Variants in SLC35F1 observed in about 807,000 individuals in gnomAD.
The protein encoded by SLC35F1 is chromosome 6 open reading frame 169.
In SLC35F1, 14 loss-of-function variants were observed where a neutral mutation model predicts 48.7. That is an observed-to-expected ratio of 0.29 (90% CI 0.19 to 0.45). SLC35F1 has a LOEUF of 0.45. SLC35F1 is among the 20% of genes least tolerant of loss of function. The pLI is 1.00. For synonymous variants in SLC35F1, 190 were observed against 202.2 expected (o/e 0.94, Z 0.51); for missense variants, 404 against 500.0 (o/e 0.81, Z 1.83).
intron 1 of SLC35F1, among the ~76,000 whole-genome samples, chr6:118,066,989 T>C (rs1417671552): frequency 6.6e-6 from 1 of 152,152 alleles, no homozygotes; most frequent in Non-Finnish European, 1.5e-5. Flanking sequence ...ATAGGTGATT[T>C]TGGTCCACTG....
At chr6:118,150,257 T>C (rs1412946185) in intron 1 of SLC35F1, among the ~76,000 whole-genome samples, 2 of 152,196 alleles carry the variant, frequency 1.3e-5, no homozygotes, top group African/African-American at 2.4e-5. Context: ...TTATTATTGT[T>C]GTTTTAGCTT....
intron 1 of SLC35F1, among the ~76,000 whole-genome samples, chr6:118,151,382 C>T (rs902819736): frequency 2.0e-5 from 3 of 152,166 alleles, no homozygotes; most frequent in African/African-American, 7.2e-5. Flanking sequence ...ACTAATGCTG[C>T]TGGATCATTT....
chr6:118,194,957 G>A (rs1774781662), intron 2 of SLC35F1, among the ~76,000 whole-genome samples: 1 of 152,046 alleles, frequency 6.6e-6, no homozygotes, highest in Admixed American at 6.6e-5. Context: ...GTAAGATGCT[G>A]TCCAAGGAGT....
chr6:118,181,749 G>GA (rs1466809780), intron 2 of SLC35F1, among the ~76,000 whole-genome samples: 2 of 151,752 alleles, frequency 1.3e-5, no homozygotes, highest in Non-Finnish European at 2.9e-5. Flanking sequence ...ATACAATAAG[G>GA]AAAAAAATAA....
At chr6:118,067,091 A>T (rs1772627096) in intron 1 of SLC35F1, among the ~76,000 whole-genome samples, 1 of 152,196 alleles carries the variant, frequency 6.6e-6, no homozygotes, top group African/African-American at 2.4e-5. Flanking sequence ...AACATATTTT[A>T]AAAATAGAAT....
intron 1 of SLC35F1, among the ~76,000 whole-genome samples, chr6:118,079,384 A>G (rs572967809): frequency 1.3e-4 from 20 of 152,194 alleles, no homozygotes; most frequent in South Asian, 4.1e-4. Flanking sequence ...ATTATATTGT[A>G]TGTATTTTAT....
At chr6:117,966,253 G>A (rs1338921151) in intron 1 of SLC35F1, among the ~76,000 whole-genome samples, 2 of 150,140 alleles carry the variant, frequency 1.3e-5, no homozygotes, top group African/African-American at 4.9e-5. Flanking sequence ...CTCACTCTTT[G>A]GGTCCACACT....
At chr6:118,081,881 C>T (rs549930256) in intron 1 of SLC35F1, among the ~76,000 whole-genome samples, 76 of 152,168 alleles carry the variant, frequency 5.0e-4, no homozygotes, top group African/African-American at 1.8e-3. Flanking sequence ...GTGACTTGGC[C>T]CATGATTTAC....
intron 1 of SLC35F1, among the ~76,000 whole-genome samples, chr6:117,969,054 A>C (rs1224637270): frequency 1.3e-5 from 2 of 152,184 alleles, no homozygotes; most frequent in Non-Finnish European, 2.9e-5. Context: ...GTTATTTCAT[A>C]ATTTCAGTAC....
intron 4 of SLC35F1, among the ~76,000 whole-genome samples, chr6:118,274,206 A>T (rs146495477): frequency 1.6e-4 from 24 of 152,146 alleles, no homozygotes; most frequent in Non-Finnish European, 2.9e-4. Context: ...TGCACTGCTG[A>T]CTTATGCAGG....
At chr6:117,977,105 T>G (rs1179645075) in intron 1 of SLC35F1, among the ~76,000 whole-genome samples, 1 of 152,216 alleles carries the variant, frequency 6.6e-6, no homozygotes, top group Non-Finnish European at 1.5e-5. Context: ...TTTGTAAGTC[T>G]TTGATGATAC....
chr6:118,225,468 C>T (rs1387218688), intron 2 of SLC35F1, among the ~76,000 whole-genome samples: 1 of 152,148 alleles, frequency 6.6e-6, no homozygotes, highest in African/African-American at 2.4e-5. Context: ...ACCCCTAGCT[C>T]TCAACATATA....
rs953392396 is a variant in SLC35F1 at position 118,228,811 on chromosome 6, C to A, written c.350-6698C>A. On this transcript the variant is annotated intron_variant, in intron 2 of 7. Coordinates refer to ENST00000360388, the MANE Select transcript of SLC35F1 (RefSeq NM_001029858.4). ...GTGTTTATTCAAGTAAGGATCTTGC[C>A]CCCTGTGCAGGAGCATCACTCTTGC... Among the ~76,000 whole-genome samples the A allele has an allele frequency of 5.9e-5, 9 of 152,128 alleles. 1 individual carries two copies. In the South Asian group the frequency reaches 1.2e-3, roughly 21 times the overall value.
At chr6:117,948,254 T>A (rs559545374) in intron 1 of SLC35F1, among the ~76,000 whole-genome samples, 11 of 152,300 alleles carry the variant, frequency 7.2e-5, no homozygotes, top group Admixed American at 3.3e-4. Context: ...TCATTTTTTT[T>A]ACAGTACTTA....
At chr6:118,039,796 A>AT (rs1312799873) in intron 1 of SLC35F1, among the ~76,000 whole-genome samples, 1,240 of 55,618 alleles carry the variant, frequency 0.022, 37 homozygotes, top group African/African-American at 0.055. Flanking sequence ...GCATCTCAGG[A>AT]TTGTTTTTTT....
intron 2 of SLC35F1, among the ~76,000 whole-genome samples, chr6:118,208,220 G>A (rs1233899756): frequency 6.6e-6 from 1 of 152,212 alleles, no homozygotes; most frequent in Non-Finnish European, 1.5e-5. Context: ...AGGGGCTGGA[G>A]CACCAGGATA....
At chr6:118,080,950 C>A (rs749187362) in intron 1 of SLC35F1, among the ~76,000 whole-genome samples, 1 of 152,172 alleles carries the variant, frequency 6.6e-6, no homozygotes, top group African/African-American at 2.4e-5. Flanking sequence ...CCCTCTCACC[C>A]CTTTATTGTG....
intron 6 of SLC35F1, among the ~76,000 whole-genome samples, chr6:118,284,744 C>T (rs1238521079): frequency 6.6e-6 from 1 of 152,130 alleles, no homozygotes; most frequent in South Asian, 2.1e-4. Context: ...ACTTTAAAGA[C>T]TACGTAGTTA....
chr6:118,219,953 G>A (rs1296573978), intron 2 of SLC35F1, among the ~76,000 whole-genome samples: 1 of 152,036 alleles, frequency 6.6e-6, no homozygotes, highest in African/African-American at 2.4e-5. Flanking sequence ...TCACTCATAG[G>A]TGGGAATTGA....
Sources: allele counts gnomAD v4.1 joint callset (sites outside exome capture counted in the v4.1 genomes callset), GRCh38; gene constraint gnomAD v4.1.1; transcripts MANE v1.5; gene names NCBI Gene and HGNC (gene_info 2026-07-23, HGNC 2026-07-21).